CNTN5: variants seen among roughly 807,000 people sequenced by gnomAD.
The protein encoded by CNTN5 is contactin 5.
Under a neutral mutation model 129.1 loss-of-function variants are expected in CNTN5, and 77 were observed. The observed-to-expected ratio is 0.60, with a 90% CI of 0.50 to 0.72. The LOEUF is 0.72. CNTN5 is among the 30% of genes least tolerant of loss of function. CNTN5 has a pLI of 0.00. For missense variants in CNTN5, 1,478 were observed against 1,328.8 expected (o/e 1.11, Z -1.75); for synonymous variants, 509 against 465.6 (o/e 1.09, Z -1.20).
chr11:99,990,819 A>T (rs11222245), intron 8 of CNTN5, among the ~76,000 whole-genome samples: 57,437 of 151,812 alleles, frequency 0.38, 12,265 homozygotes, highest in African/African-American at 0.59. Context: ...ACCTACAAAG[A>T]TATATGTTGA....
intron 3 of CNTN5, among the ~76,000 whole-genome samples, chr11:99,592,484 T>C (rs983610984): frequency 6.6e-6 from 1 of 151,666 alleles, no homozygotes; most frequent in African/African-American, 2.4e-5. Context: ...ACAAATATGA[T>C]GGAGATGGAG....
rs558409238 is a variant in CNTN5 at position 100,194,945 on chromosome 11, T to C, written c.1884+1282T>C. ...ATATAAATAAGAAACAATTGCCAACTACATTGTTCACCATCTCATTAAATG... is the reference window on the plus strand; with the variant it reads ...ATATAAATAAGAAACAATTGCCAACCACATTGTTCACCATCTCATTAAATG... On this transcript the variant is annotated intron_variant, in intron 15 of 24. Transcript: ENST00000524871. Among the ~76,000 whole-genome samples, 11 of 152,084 alleles carry C rather than the reference T, an allele frequency of 7.2e-5. No individual in the cohort carries two copies. In the South Asian group the frequency reaches 1.2e-3, roughly 17 times the overall value.
At chr11:100,319,996 G>A (rs145655546) in intron 21 of CNTN5, among the ~76,000 whole-genome samples, 13 of 152,266 alleles carry the variant, frequency 8.5e-5, no homozygotes, top group African/African-American at 2.6e-4. Context: ...GTTGGCTATC[G>A]TGAATAGTGT....
chr11:99,340,256 C>G (rs1050654758), intron 2 of CNTN5, among the ~76,000 whole-genome samples: 5 of 151,980 alleles, frequency 3.3e-5, no homozygotes, highest in African/African-American at 1.2e-4. Context: ...ATTTGATATA[C>G]TAGCAAAGAT....
intron 1 of CNTN5, among the ~76,000 whole-genome samples, chr11:99,144,276 A>G (rs1041335267): frequency 6.6e-6 from 1 of 152,198 alleles, no homozygotes; most frequent in Admixed American, 6.5e-5. Flanking sequence ...GGAAAAATAG[A>G]TATTTGGAAT....
intron 8 of CNTN5, among the ~76,000 whole-genome samples, chr11:99,995,484 G>T (rs1418089018): frequency 1.3e-5 from 2 of 152,086 alleles, no homozygotes; most frequent in Non-Finnish European, 2.9e-5. Context: ...CACATAAAAT[G>T]GTTTTCTCGC....
chr11:99,980,264 A>C (rs1195721598), intron 8 of CNTN5, among the ~76,000 whole-genome samples: 3 of 152,246 alleles, frequency 2.0e-5, no homozygotes, highest in Admixed American at 2.0e-4. Context: ...TACAACTAGA[A>C]GCAACAAGAC....
chr11:100,308,560 A>G, intron 21 of CNTN5, 92 bp downstream of exon 21: 1 of 1,445,198 alleles, frequency 6.9e-7, no homozygotes, highest in Non-Finnish European at 9.1e-7. Flanking sequence ...CAGAATTTCA[A>G]CAGAATTTCT....
intron 2 of CNTN5, among the ~76,000 whole-genome samples, chr11:99,454,160 T>C (rs1229041995): frequency 1.3e-5 from 2 of 151,684 alleles, no homozygotes; most frequent in African/African-American, 4.8e-5. Context: ...ACAGAAAAAA[T>C]ATATGAATAG....
At chr11:100,304,910 G>A (rs899701118) in intron 20 of CNTN5, among the ~76,000 whole-genome samples, 1 of 151,166 alleles carries the variant, frequency 6.6e-6, no homozygotes, top group Non-Finnish European at 1.5e-5. Context: ...ACACAGCAGA[G>A]CCTCAATAAA....
At chr11:100,141,479 G>A (rs973541499) in intron 13 of CNTN5, among the ~76,000 whole-genome samples, 2 of 152,170 alleles carry the variant, frequency 1.3e-5, no homozygotes, top group African/African-American at 4.8e-5. Context: ...ATAGTGGCTT[G>A]CAGAAGGAGA....
chr11:99,197,280 A>G (rs568501574), intron 1 of CNTN5, among the ~76,000 whole-genome samples: 29 of 152,090 alleles, frequency 1.9e-4, no homozygotes, highest in African/African-American at 6.7e-4. Context: ...TTAAGAGTAC[A>G]TAATAATAAG....
intron 3 of CNTN5, among the ~76,000 whole-genome samples, chr11:99,650,781 A>G (rs1216566733): frequency 1.3e-5 from 2 of 151,916 alleles, no homozygotes; most frequent in Admixed American, 6.6e-5. Context: ...TTTTAAACTG[A>G]TATCTGAAAT....
At chr11:99,521,094 A>G (rs1056154194) in intron 2 of CNTN5, among the ~76,000 whole-genome samples, 5 of 152,188 alleles carry the variant, frequency 3.3e-5, no homozygotes, top group African/African-American at 1.2e-4. Context: ...TTTTAAGTCC[A>G]GTAAGCTTTC....
At chr11:99,927,771 A>G (rs1950096766) in intron 7 of CNTN5, among the ~76,000 whole-genome samples, 1 of 152,158 alleles carries the variant, frequency 6.6e-6, no homozygotes, top group Admixed American at 6.5e-5. Flanking sequence ...CAGCCAAATC[A>G]TATTATTCCA....
intron 18 of CNTN5, among the ~76,000 whole-genome samples, chr11:100,291,788 A>AATAG (rs1950983820): frequency 1.9e-5 from 1 of 52,534 alleles, no homozygotes; most frequent in African/African-American, 4.6e-5. Flanking sequence ...TAAATAAATA[A>AATAG]AAAATATAAA....
intron 13 of CNTN5, among the ~76,000 whole-genome samples, chr11:100,148,989 A>ATACT (rs1166885437): frequency 3.3e-5 from 5 of 152,186 alleles, no homozygotes; most frequent in Non-Finnish European, 5.9e-5. Flanking sequence ...ATATTTGTAG[A>ATACT]TACTTACCAA....
chr11:99,559,207 G>A (rs1948763459), intron 3 of CNTN5, among the ~76,000 whole-genome samples: 1 of 152,054 alleles, frequency 6.6e-6, no homozygotes, highest in Non-Finnish European at 1.5e-5. Flanking sequence ...TTACTATTAC[G>A]AAAATGAGGG....
At chr11:99,022,242 A>G (rs1346206053) in intron 1 of CNTN5, among the ~76,000 whole-genome samples, 1 of 152,220 alleles carries the variant, frequency 6.6e-6, no homozygotes, top group Non-Finnish European at 1.5e-5. Flanking sequence ...AAAGAAGTAG[A>G]TGTTCATTAG....
Sources: gnomAD v4.1 joint callset for allele counts (sites outside exome capture counted in the v4.1 genomes callset) on GRCh38, gnomAD v4.1.1 for gene constraint, MANE v1.5 for transcripts, NCBI Gene and HGNC (gene_info 2026-07-23, HGNC 2026-07-21) for gene names.